Variants in ATP6V1H observed in about 807,000 individuals in gnomAD.
ATP6V1H encodes ATPase H+ transporting V1 subunit H.
A neutral mutation model predicts 71.7 loss-of-function variants in ATP6V1H; 39 were observed. That is an observed-to-expected ratio of 0.54 (90% CI 0.42 to 0.71). The LOEUF (loss-of-function observed/expected upper bound fraction) is 0.71. ATP6V1H is among the 30% of genes least tolerant of loss of function. The probability of loss-of-function intolerance (pLI) is 0.00; values close to 1 mark genes in which losing one functional copy is unlikely to be tolerated. For missense variants in ATP6V1H, 509 were observed against 594.9 expected (o/e 0.86, Z 1.50); for synonymous variants, 192 against 199.3 (o/e 0.96, Z 0.31).
chr8:53,777,947 G>GT (rs1808952400), intron 9 of ATP6V1H, among the ~76,000 whole-genome samples: 1 of 152,122 alleles, frequency 6.6e-6, no homozygotes, highest in Admixed American at 6.5e-5. Context: ...ATAAAACACT[G>GT]TTTTTCCCTC....
intron 7 of ATP6V1H, among the ~76,000 whole-genome samples, chr8:53,805,509 AG>A (rs1352712536): frequency 6.6e-6 from 1 of 152,196 alleles, no homozygotes; most frequent in Non-Finnish European, 1.5e-5. Flanking sequence ...TAGAAAACAC[AG>A]GACAATATCA....
In ATP6V1H at chr8:53,812,247, G is replaced by A. The variant is rs562435084; in HGVS notation, c.526-1030C>T. On this transcript the variant is annotated intron_variant, in intron 6 of 13. Coordinates refer to ENST00000359530, the MANE Select transcript of ATP6V1H (RefSeq NM_015941.4). ...CCTGGGTACCCTGAAGAGTTCCCCTGCAGCAGAAGGACCCGCAAAGCAGAG... is the reference window on the plus strand; with the variant it reads ...CCTGGGTACCCTGAAGAGTTCCCCTACAGCAGAAGGACCCGCAAAGCAGAG... Among the ~76,000 whole-genome samples the A allele has an allele frequency of 1.4e-4, 21 of 152,226 alleles. No homozygotes were observed. The South Asian group carries it at 4.4e-3, about 32-fold the overall frequency.
intron 13 of ATP6V1H, among the ~76,000 whole-genome samples, chr8:53,738,968 T>C (rs910742992): frequency 1.3e-5 from 2 of 152,218 alleles, no homozygotes; most frequent in African/African-American, 4.8e-5. Flanking sequence ...TTTGTTTTTT[T>C]CAAATACAGA....
At chr8:53,737,363 A>G (rs1807254639) in intron 13 of ATP6V1H, among the ~76,000 whole-genome samples, 1 of 152,246 alleles carries the variant, frequency 6.6e-6, no homozygotes, top group Non-Finnish European at 1.5e-5. Flanking sequence ...AAACACTCCC[A>G]TAACTCTCTT....
chr8:53,774,428 AAAAC>A (rs1270967239), intron 9 of ATP6V1H, among the ~76,000 whole-genome samples: 6 of 152,340 alleles, frequency 3.9e-5, no homozygotes, highest in Middle Eastern at 3.4e-3. Context: ...TTAAGTCAGA[AAAAC>A]AAAACTACGA....
intron 2 of ATP6V1H, among the ~76,000 whole-genome samples, chr8:53,833,696 T>TGATCCC (rs2130531543): frequency 6.6e-6 from 1 of 152,210 alleles, no homozygotes; most frequent in East Asian, 1.9e-4. Flanking sequence ...TCCCCAGCAC[T>TGATCCC]CAATCACTGA....
chr8:53,740,963 CTATGAAGGAAGT>C (rs1807390116), intron 13 of ATP6V1H, among the ~76,000 whole-genome samples: 1 of 152,104 alleles, frequency 6.6e-6, no homozygotes, highest in Non-Finnish European at 1.5e-5. Context: ...AAAAATTTCT[CTATGAAGGAAGT>C]GTGGGAAAAT....
chr8:53,744,994 G>C (rs1807549203), intron 12 of ATP6V1H, among the ~76,000 whole-genome samples: 1 of 152,160 alleles, frequency 6.6e-6, no homozygotes, highest in Non-Finnish European at 1.5e-5. Flanking sequence ...TGATGATACA[G>C]GCTGCTCTCC....
At chr8:53,827,998 C>T (rs1205441066) in intron 4 of ATP6V1H, among the ~76,000 whole-genome samples, 2 of 152,246 alleles carry the variant, frequency 1.3e-5, no homozygotes, top group Non-Finnish European at 2.9e-5. Flanking sequence ...TTTTCTTTAT[C>T]CAATCTGCCA....
chr8:53,822,795 G>C (rs1047705260), intron 4 of ATP6V1H, among the ~76,000 whole-genome samples: 5 of 152,030 alleles, frequency 3.3e-5, no homozygotes, highest in Non-Finnish European at 7.4e-5. Context: ...AAAAGGGACA[G>C]GCAAAGATAT....
chr8:53,734,612 T>C (rs893097790), intron 13 of ATP6V1H, among the ~76,000 whole-genome samples: 1 of 151,978 alleles, frequency 6.6e-6, no homozygotes, highest in Non-Finnish European at 1.5e-5. Flanking sequence ...GGAAAAAACA[T>C]AAAACATCAG....
intron 7 of ATP6V1H, chr8:53,806,731 A>G (rs1241048588): frequency 1.0e-5 from 4 of 396,472 alleles, no homozygotes; most frequent in Non-Finnish European, 2.0e-5. Flanking sequence ...TCTTAAATTT[A>G]AATACTTTAC....
intron 9 of ATP6V1H, among the ~76,000 whole-genome samples, chr8:53,777,914 T>C (rs905628894): frequency 6.6e-6 from 1 of 152,326 alleles, no homozygotes; most frequent in East Asian, 1.9e-4. Context: ...GTAGATATCA[T>C]ATTAATATAT....
intron 13 of ATP6V1H, among the ~76,000 whole-genome samples, chr8:53,738,425 G>A (rs909060493): frequency 6.6e-6 from 1 of 152,108 alleles, no homozygotes; most frequent in African/African-American, 2.4e-5. Context: ...ACCAAAGCAA[G>A]TTAATTCGTT....
At chr8:53,745,927 T>C (rs1807586879) in intron 12 of ATP6V1H, among the ~76,000 whole-genome samples, 1 of 152,156 alleles carries the variant, frequency 6.6e-6, no homozygotes, top group Admixed American at 6.5e-5. Context: ...ACACAGCTGT[T>C]GAAAATAAAC....
Position 53,796,101 on chromosome 8 carries a change from T to C in ATP6V1H, c.678-262A>G, listed in dbSNP as rs544543829. ...CGGCAAGAAGAAAGGGAACAAAGAC[T>C]TGTAATATGGCAACGGGAATGGAAA... On this transcript the variant is annotated intron_variant, in intron 8 of 13. Transcript: ENST00000359530. Among the ~76,000 whole-genome samples, 29 of 152,220 alleles carry C rather than the reference T, an allele frequency of 1.9e-4. 1 individual carries two copies. In the South Asian group the frequency reaches 5.6e-3, roughly 29 times the overall value.
At chr8:53,718,384 ATTTTTT>A (rs35145366) in intron 13 of ATP6V1H, among the ~76,000 whole-genome samples, 2 of 121,806 alleles carry the variant, frequency 1.6e-5, no homozygotes, top group African/African-American at 3.3e-5. Flanking sequence ...CTCCTACACA[ATTTTTT>A]TTTTTTTTTT....
At chr8:53,792,848 T>C (rs946100724) in intron 9 of ATP6V1H, among the ~76,000 whole-genome samples, 8 of 152,366 alleles carry the variant, frequency 5.3e-5, no homozygotes, top group African/African-American at 1.9e-4. Flanking sequence ...AGCATGATGG[T>C]TAAAAGCACG....
intron 9 of ATP6V1H, among the ~76,000 whole-genome samples, chr8:53,778,346 AATT>A (rs1419706501): frequency 6.6e-6 from 1 of 152,174 alleles, no homozygotes; most frequent in Non-Finnish European, 1.5e-5. Context: ...GGAACATTTG[AATT>A]ATTATCTTCT....
Sources: gnomAD v4.1 joint callset for allele counts (sites outside exome capture counted in the v4.1 genomes callset) on GRCh38, gnomAD v4.1.1 for gene constraint, MANE v1.5 for transcripts, NCBI Gene and HGNC (gene_info 2026-07-23, HGNC 2026-07-21) for gene names.